CXADR: variants seen among roughly 807,000 people sequenced by gnomAD.
The protein encoded by CXADR is CXADR cell adhesion molecule.
In CXADR, 20 loss-of-function variants were observed where a neutral mutation model predicts 40.3. That is an observed-to-expected ratio of 0.50 (90% CI 0.35 to 0.72). The LOEUF (loss-of-function observed/expected upper bound fraction) is 0.72, where lower values mean the gene tolerates loss of function less well. CXADR is among the 30% of genes least tolerant of loss of function. The pLI is 0.01. For synonymous variants in CXADR, 150 were observed against 161.3 expected, an observed-to-expected ratio of 0.93 and a Z score of 0.53; for missense variants, 332 against 449.1, an observed-to-expected ratio of 0.74 and a Z score of 2.36.
rs532541050 is a variant in CXADR, at chr21:17,577,612, CTTTTTTTTT to C, written c.1017+12021_1017+12029del. ...CTCACACGTCAGACCATTCTGCAAG[CTTTTTTTTT>C]TTTTTTTTTTTTTTTTTTTAACTGA... On this transcript the variant is annotated intron_variant, in intron 7 of 7. Transcript: ENST00000400169. 2.7e-4 allele frequency among the ~76,000 whole-genome samples: 10 copies of C among 36,562 alleles called. No homozygotes were observed. The South Asian group carries it at 7.5e-3, about 28-fold the overall frequency. 24.0% of individuals were successfully genotyped at this position (36,562 alleles called of 152,430 possible).
At chr21:17,592,707 A>G (rs930154099) in intron 7 of CXADR, among the ~76,000 whole-genome samples, 3 of 150,512 alleles carry the variant, frequency 2.0e-5, no homozygotes. Flanking sequence ...ACACTAATAA[A>G]CAAACATGCT....
At chr21:17,587,136 C>G (rs1446773878) in intron 7 of CXADR, among the ~76,000 whole-genome samples, 1 of 152,146 alleles carries the variant, frequency 6.6e-6, no homozygotes, top group Non-Finnish European at 1.5e-5. Flanking sequence ...TCCAGTCTAT[C>G]ATTGTTGGAC....
intron 1 of CXADR, among the ~76,000 whole-genome samples, chr21:17,531,710 C>A (rs186680750): frequency 6.6e-6 from 1 of 151,862 alleles, no homozygotes; most frequent in Non-Finnish European, 1.5e-5. Flanking sequence ...CAAATTCTTG[C>A]AATTTCTTGT....
intron 7 of CXADR, among the ~76,000 whole-genome samples, chr21:17,581,834 TA>T (rs34939280): frequency 1 from 151,319 of 151,322 alleles, 75,658 homozygotes; most frequent in Middle Eastern, 1. Context: ...TGACAAAGGC[TA>T]AGACTCTGTC....
the CXADR span, among the ~76,000 whole-genome samples, chr21:17,600,546 T>C: frequency 6.6e-6 from 1 of 152,092 alleles, no homozygotes; most frequent in African/African-American, 2.4e-5. Flanking sequence ...TGAGGCTGGG[T>C]GCAGTGGCTT....
At chr21:17,573,254 G>A (rs956394411), downstream of CXADR, among the ~76,000 whole-genome samples, 3 of 152,060 alleles carry the variant, frequency 2.0e-5, no homozygotes, top group African/African-American at 4.8e-5. Flanking sequence ...TCAACTAATT[G>A]CGTCTGTAGC....
chr21:17,593,005 G>A lies in CXADR; in HGVS notation c.1018-147G>A, dbSNP rs1197120024. 4.9e-6 allele frequency: 3 copies of A among 606,774 alleles called. No individual in the cohort carries two copies. In the African/African-American group the frequency reaches 5.8e-5, roughly 12 times the overall value. The allele number at this position is 606,774 out of a possible 1,614,324, so 37.6% of individuals were successfully genotyped here. On this transcript the variant is annotated intron_variant, in intron 7 of 7. Transcript: ENST00000400169. Reference sequence around the variant, plus strand: ...ATTCAATGATTTATTAGCAAGTTGTGATTTTTCTGGTAAGTCAAATAATTT... The same window carrying A: ...ATTCAATGATTTATTAGCAAGTTGTAATTTTTCTGGTAAGTCAAATAATTT...
At chr21:17,617,017 G>A in the CXADR span, among the ~76,000 whole-genome samples, 1 of 152,190 alleles carries the variant, frequency 6.6e-6, no homozygotes, top group Non-Finnish European at 1.5e-5. Flanking sequence ...TGAGGCAATG[G>A]AAACTGGGCA....
downstream of CXADR, chr21:17,594,108 CAT>C (rs1331224975): frequency 1.1e-5 from 17 of 1,612,848 alleles, no homozygotes; most frequent in South Asian, 2.2e-5. Context: ...GAGGTGCTAA[CAT>C]GTGAGGATTA....
chr21:17,530,916 G>GGTT (rs1445995144), intron 1 of CXADR, among the ~76,000 whole-genome samples: 2 of 152,344 alleles, frequency 1.3e-5, no homozygotes, highest in East Asian at 3.9e-4. Flanking sequence ...GAGTCCTGTA[G>GGTT]GTTATACATA....
intron 1 of CXADR, chr21:17,542,051 TTAA>T (rs1203825057): frequency 2.8e-6 from 1 of 360,544 alleles, no homozygotes; most frequent in Non-Finnish European, 5.4e-6. Context: ...TGGTGATTTT[TTAA>T]TAAGATTTTT....
chr21:17,537,094 T>C (rs1185893995), intron 1 of CXADR, among the ~76,000 whole-genome samples: 1 of 152,198 alleles, frequency 6.6e-6, no homozygotes, highest in African/African-American at 2.4e-5. Context: ...AGGTGCTCTC[T>C]GGGGACAAGG....
At chr21:17,524,171 C>T (rs886732028) in intron 1 of CXADR, among the ~76,000 whole-genome samples, 1 of 151,262 alleles carries the variant, frequency 6.6e-6, no homozygotes, top group Admixed American at 6.6e-5. Context: ...TGGGATTACA[C>T]GTGTGAGCCA....
At chr21:17,550,889 A>G (rs1601003399) in intron 2 of CXADR, among the ~76,000 whole-genome samples, 1 of 152,234 alleles carries the variant, frequency 6.6e-6, no homozygotes, top group African/African-American at 2.4e-5. Context: ...CTGGGTACAC[A>G]TATCTTAAGA....
chr21:17,617,300 ATTGTTGTTG>A, the CXADR span, among the ~76,000 whole-genome samples: 37,904 of 151,524 alleles, frequency 0.25, 4,920 homozygotes, highest in East Asian at 0.38. Flanking sequence ...AGGTGCCATT[ATTGTTGTTG>A]TTGTTGTTGT....
At chr21:17,586,757 CT>C (rs1330609028) in intron 7 of CXADR, among the ~76,000 whole-genome samples, 1 of 151,796 alleles carries the variant, frequency 6.6e-6, no homozygotes, top group African/African-American at 2.4e-5. Flanking sequence ...TATTATTATA[CT>C]TTAAGTTTTA....
the CXADR span, among the ~76,000 whole-genome samples, chr21:17,627,910 A>G: frequency 6.6e-6 from 1 of 152,340 alleles, no homozygotes; most frequent in East Asian, 1.9e-4. Context: ...AACAAATCCA[A>G]TTCTGGTCTA....
At chr21:17,537,308 A>G (rs1438655105) in intron 1 of CXADR, among the ~76,000 whole-genome samples, 1 of 152,188 alleles carries the variant, frequency 6.6e-6, no homozygotes, top group Non-Finnish European at 1.5e-5. Context: ...ATGTACCGTC[A>G]TTCATTCCTA....
chr21:17,579,882 AT>A, intron 7 of CXADR, among the ~76,000 whole-genome samples: 1 of 137,026 alleles, frequency 7.3e-6, no homozygotes, highest in African/African-American at 2.6e-5. Flanking sequence ...GTTGTATTTT[AT>A]TAAAAAAAAA....
Sources: gnomAD v4.1 joint callset for allele counts (sites outside exome capture counted in the v4.1 genomes callset) on GRCh38, gnomAD v4.1.1 for gene constraint, MANE v1.5 for transcripts, NCBI Gene and HGNC (gene_info 2026-07-23, HGNC 2026-07-21) for gene names.